Variants in TASP1 observed in about 807,000 individuals in gnomAD.
TASP1 encodes the protein taspase 1, also known as threonine aspartase 1.
TASP1 carries 16 observed loss-of-function variants against 56.6 expected under a neutral mutation model. The observed-to-expected ratio is 0.28, with a 90% CI of 0.19 to 0.43. The LOEUF is 0.43. Ranked by LOEUF, TASP1 falls within the 20% of genes least tolerant of loss-of-function variation. The pLI, the probability that TASP1 is intolerant of heterozygous loss-of-function variation, is 1.00. For missense variants in TASP1, 393 were observed against 511.6 expected (o/e 0.77, Z 2.24); for synonymous variants, 179 against 184.2 (o/e 0.97, Z 0.23).
At chr20:13,233,901 G>A in the TASP1 span, among the ~76,000 whole-genome samples, 1 of 152,164 alleles carries the variant, frequency 6.6e-6, no homozygotes. Flanking sequence ...AGCATCTCCT[G>A]AAAGCTTGTT....
chr20:13,319,142 G>C, the TASP1 span, among the ~76,000 whole-genome samples: 1 of 151,898 alleles, frequency 6.6e-6, no homozygotes, highest in African/African-American at 2.4e-5. Flanking sequence ...GGAAATCTCT[G>C]TTCCTTCTGT....
the TASP1 span, among the ~76,000 whole-genome samples, chr20:13,227,959 C>CCT: frequency 7.8e-6 from 1 of 129,018 alleles, no homozygotes; most frequent in East Asian, 2.3e-4. Flanking sequence ...CTGCTGCTGC[C>CCT]TTTTTTTTTT....
At chr20:13,489,397 T>C (rs1342122962) in intron 10 of TASP1, among the ~76,000 whole-genome samples, 4 of 152,118 alleles carry the variant, frequency 2.6e-5, no homozygotes, top group Non-Finnish European at 5.9e-5. Context: ...GTCTCTGCCA[T>C]ATCTGACTAA....
Position 13,511,442 on chromosome 20 carries a change from T to C in TASP1, c.874+16991A>G, listed in dbSNP as rs969638474. ...TATTTTCTTATTATTGAAGCCAATT[T>C]GTGCTGTAATTTCCGTTAACTGCAA... is the stretch of plus-strand genomic sequence containing the variant. On this transcript the variant is annotated intron_variant, in intron 10 of 13. Transcript: ENST00000337743. Among the ~76,000 whole-genome samples, 3 of 152,164 alleles carry C rather than the reference T, an allele frequency of 2.0e-5. No individual in the cohort carries two copies. In the East Asian group the frequency reaches 5.8e-4, roughly 29 times the overall value.
chr20:13,456,014 C>A (rs576634500), intron 11 of TASP1, among the ~76,000 whole-genome samples: 91 of 152,260 alleles, frequency 6.0e-4, no homozygotes, highest in African/African-American at 2.1e-3. Flanking sequence ...GAATTTTAAA[C>A]AAGCGGGATC....
At chr20:13,165,487 T>C in the TASP1 span, 1 of 152,256 alleles carries the variant, frequency 6.6e-6, no homozygotes, top group African/African-American at 2.4e-5. Flanking sequence ...TAGAGACGTC[T>C]TTGAAGGAAA....
chr20:13,410,546 CTG>C (rs935260976), intron 13 of TASP1, among the ~76,000 whole-genome samples: 81 of 152,124 alleles, frequency 5.3e-4, no homozygotes, highest in Non-Finnish European at 1.1e-3. Flanking sequence ...TAATATCTCA[CTG>C]TGTTTATGAT....
At chr20:13,144,776 T>C in the TASP1 span, among the ~76,000 whole-genome samples, 3 of 152,224 alleles carry the variant, frequency 2.0e-5, no homozygotes, top group South Asian at 6.2e-4. Context: ...TGTATATATA[T>C]ATACACAGAT....
intron 10 of TASP1, among the ~76,000 whole-genome samples, chr20:13,511,282 AAAG>A (rs2044317278): frequency 6.6e-6 from 1 of 152,108 alleles, no homozygotes; most frequent in African/African-American, 2.4e-5. Context: ...TCAGCCCAAG[AAAG>A]AAGCCAACAA....
the TASP1 span, among the ~76,000 whole-genome samples, chr20:13,370,086 C>A: frequency 2.0e-5 from 3 of 152,138 alleles, no homozygotes; most frequent in Admixed American, 6.5e-5. Context: ...ATATGAATGA[C>A]AAAAGACAAT....
rs1351927276 is a variant in TASP1, at chr20:13,528,456, T to C, written c.851A>G (p.Tyr284Cys). The change falls in exon 10 of 14, where the codon TAC becomes TGC. Residue 284 changes from tyrosine to cysteine, a missense_variant. By Grantham distance (194) the Tyr-to-Cys change is radical. Coordinates refer to ENST00000337743, the MANE Select transcript of TASP1 (RefSeq NM_017714.3). ...WAENTGAHNP[Y>C]STAVSTSGCG... ...ACCTGAGGTACTCACAGCTGTGGAGTAGGGGTTATGAGCTCCAGTATTTTC... is the reference window on the plus strand; with the variant it reads ...ACCTGAGGTACTCACAGCTGTGGAGCAGGGGTTATGAGCTCCAGTATTTTC... 3 of 1,611,056 alleles carry C rather than the reference T, an allele frequency of 1.9e-6. No homozygotes were observed. The highest frequency in any genetic ancestry group is 1.1e-5 in the South Asian group (1 of 90,638).
chr20:13,299,093 C>A, the TASP1 span: 1 of 1,613,814 alleles, frequency 6.2e-7, no homozygotes, highest in East Asian at 2.2e-5. The surrounding 1 kb of genome is among the most constrained non-coding windows in gnomAD (Gnocchi z 5.8). Context: ...GCATCAAGCG[C>A]AAGGACTTCC....
At chr20:13,555,502 G>A (rs868827133) in intron 8 of TASP1, among the ~76,000 whole-genome samples, 4 of 151,146 alleles carry the variant, frequency 2.6e-5, no homozygotes, top group African/African-American at 7.3e-5. Flanking sequence ...TCCACAAGCA[G>A]CAACTCTTCA....
the TASP1 span, chr20:13,160,140 C>T: frequency 6.2e-7 from 1 of 1,612,514 alleles, no homozygotes; most frequent in South Asian, 1.1e-5. Context: ...ACGGTGAGTA[C>T]ACCACAGGCC....
chr20:13,335,064 G>A, the TASP1 span, among the ~76,000 whole-genome samples: 1 of 152,118 alleles, frequency 6.6e-6, no homozygotes, highest in African/African-American at 2.4e-5. Context: ...TGAGAGCAAG[G>A]CCCACTGTGG....
At chr20:13,348,945 A>T in the TASP1 span, among the ~76,000 whole-genome samples, 1 of 152,196 alleles carries the variant, frequency 6.6e-6, no homozygotes, top group African/African-American at 2.4e-5. Context: ...TGCCACCCCC[A>T]ACATGCTGGT....
chr20:13,451,236 C>T (rs767354765), intron 11 of TASP1, among the ~76,000 whole-genome samples: 1 of 152,044 alleles, frequency 6.6e-6, no homozygotes, highest in Non-Finnish European at 1.5e-5. Flanking sequence ...GTCCTAAGGG[C>T]CATAGGATTT....
At chr20:13,194,412 C>CAGG in the TASP1 span, among the ~76,000 whole-genome samples, 1 of 152,108 alleles carries the variant, frequency 6.6e-6, no homozygotes, top group Non-Finnish European at 1.5e-5. Flanking sequence ...AGTACCAAGC[C>CAGG]AGGAGTCCAG....
At chr20:13,384,363 A>T in the TASP1 span, among the ~76,000 whole-genome samples, 1 of 152,166 alleles carries the variant, frequency 6.6e-6, no homozygotes, top group Non-Finnish European at 1.5e-5. Context: ...CCAGCTTTCC[A>T]CAACTGGTCA....
Sources: allele counts gnomAD v4.1 joint callset (sites outside exome capture counted in the v4.1 genomes callset), GRCh38; gene constraint gnomAD v4.1.1; non-coding constraint Gnocchi (gnomAD v3.1); transcripts MANE v1.5; gene names NCBI Gene and HGNC (gene_info 2026-07-23, HGNC 2026-07-21).